The following SCAMP1 variants were observed in gnomAD, a reference collection of about 807,000 sequenced individuals.
The protein encoded by SCAMP1 is secretory carrier-associated membrane protein 1.
In SCAMP1, 15 loss-of-function variants were observed where a neutral mutation model predicts 41.8. The observed-to-expected ratio is 0.36, with a 90% confidence interval of 0.24 to 0.55. The LOEUF is 0.55. Ranked by LOEUF, SCAMP1 falls within the 20% of genes least tolerant of loss-of-function variation. The pLI is 0.86. For synonymous variants in SCAMP1, 135 were observed against 136.8 expected, an observed-to-expected ratio of 0.99 and a Z score of 0.09; for missense variants, 341 against 412.6, an observed-to-expected ratio of 0.83 and a Z score of 1.50.
Position 78,459,356 on chromosome 5 carries a change from C to CA in SCAMP1, c.852dup (p.Val285SerfsTer11). ...CAGCAGTCATCTCACTAGTTATGTT[C>CA]AAAAAAGTAAGTGAAATTTTATGTC... On this transcript the variant is annotated frameshift_variant, in exon 8 of 9. Transcript: ENST00000621999. LOFTEE classifies it high-confidence loss of function. The CA allele has an allele frequency of 1.4e-6, 2 of 1,470,994 alleles. No homozygotes were observed. The highest frequency in any genetic ancestry group is 1.8e-5 in the Admixed American group (1 of 55,724). 91.1% of individuals were successfully genotyped at this position (1,470,994 alleles called of 1,614,324 possible).
At chr5:78,439,279 C>G (rs2112184022) in intron 6 of SCAMP1, among the ~76,000 whole-genome samples, 1 of 152,240 alleles carries the variant, frequency 6.6e-6, no homozygotes, top group Non-Finnish European at 1.5e-5. Context: ...GGTTATTTTG[C>G]CTGTTAATTG....
At chr5:78,392,129 C>G (rs1186775227) in intron 2 of SCAMP1, among the ~76,000 whole-genome samples, 1 of 152,078 alleles carries the variant, frequency 6.6e-6, no homozygotes, top group East Asian at 1.9e-4. Flanking sequence ...GTTTGCAAAA[C>G]TTTACTAGCA....
chr5:78,420,080 G>A (rs971416265), intron 5 of SCAMP1, among the ~76,000 whole-genome samples: 1 of 152,018 alleles, frequency 6.6e-6, no homozygotes, highest in Non-Finnish European at 1.5e-5. Context: ...TTTTGAGACA[G>A]AGTCTTGCTT....
At chr5:78,453,745 C>T (rs925338499) in intron 7 of SCAMP1, among the ~76,000 whole-genome samples, 3 of 152,096 alleles carry the variant, frequency 2.0e-5, no homozygotes, top group Non-Finnish European at 2.9e-5. Context: ...AGCTTTATGG[C>T]GATGGCATTG....
intron 6 of SCAMP1, among the ~76,000 whole-genome samples, chr5:78,427,867 TA>T (rs1406008508): frequency 6.6e-6 from 1 of 152,182 alleles, no homozygotes; most frequent in South Asian, 2.1e-4. Context: ...TTGTCTATTT[TA>T]AAAATTCTGT....
intron 8 of SCAMP1, among the ~76,000 whole-genome samples, chr5:78,470,363 T>C (rs1753857306): frequency 6.6e-6 from 1 of 152,298 alleles, no homozygotes; most frequent in Middle Eastern, 3.4e-3. Context: ...TCTGGCAGCC[T>C]CTAATTTGCT....
chr5:78,379,493 C>A (rs1212929916), intron 1 of SCAMP1, among the ~76,000 whole-genome samples: 2 of 152,086 alleles, frequency 1.3e-5, no homozygotes, highest in African/African-American at 4.8e-5. Context: ...TGCTTTAATG[C>A]TTTGTCATCT....
intron 3 of SCAMP1, 140 bp downstream of exon 3, chr5:78,415,758 C>T (rs1299444913): frequency 1.6e-6 from 1 of 614,022 alleles, no homozygotes; most frequent in Non-Finnish European, 2.9e-6. Context: ...GATTTGCTGT[C>T]TTGTCACCCT....
At chr5:78,416,768 AAGG>A (rs1398827468) in intron 4 of SCAMP1, 119 bp downstream of exon 4, 4 of 684,628 alleles carry the variant, frequency 5.8e-6, no homozygotes, top group African/African-American at 1.8e-5. Flanking sequence ...CTGTTCTAAC[AAGG>A]AGATCAGACA....
At chr5:78,452,296 C>T (rs1753256731) in intron 7 of SCAMP1, among the ~76,000 whole-genome samples, 1 of 146,642 alleles carries the variant, frequency 6.8e-6, no homozygotes, top group African/African-American at 2.5e-5. Context: ...AACTCGTCAT[C>T]TAGCATTAGG....
At chr5:78,403,585 A>T (rs1751851291) in intron 2 of SCAMP1, among the ~76,000 whole-genome samples, 2 of 152,082 alleles carry the variant, frequency 1.3e-5, no homozygotes, top group South Asian at 4.1e-4. Flanking sequence ...GAGGCCAGGG[A>T]TTCAAAACCA....
intron 8 of SCAMP1, among the ~76,000 whole-genome samples, chr5:78,460,727 C>A (rs1753564689): frequency 6.6e-6 from 1 of 150,548 alleles, no homozygotes; most frequent in Admixed American, 6.6e-5. Flanking sequence ...CTCTTTCTTT[C>A]TTTTGGTTTC....
chr5:78,418,300 G>C (rs1580679142), intron 4 of SCAMP1, among the ~76,000 whole-genome samples: 2 of 152,028 alleles, frequency 1.3e-5, no homozygotes, highest in South Asian at 4.1e-4. Flanking sequence ...CAGAAAACTT[G>C]AAAAAATTAG....
intron 2 of SCAMP1, among the ~76,000 whole-genome samples, chr5:78,403,837 C>T (rs1479055958): frequency 6.6e-6 from 1 of 150,600 alleles, no homozygotes; most frequent in Non-Finnish European, 1.5e-5. Flanking sequence ...TGGTGGCATG[C>T]GCCTGTAGTC....
chr5:78,375,266 G>A (rs1751038485), intron 1 of SCAMP1, among the ~76,000 whole-genome samples: 2 of 152,138 alleles, frequency 1.3e-5, no homozygotes, highest in Non-Finnish European at 2.9e-5. Flanking sequence ...AGGAAATATA[G>A]TTTTGAACAT....
At chr5:78,452,984 T>G (rs1047272063) in intron 7 of SCAMP1, among the ~76,000 whole-genome samples, 3 of 148,622 alleles carry the variant, frequency 2.0e-5, no homozygotes, top group Non-Finnish European at 1.5e-5. Context: ...AAATGTCTTC[T>G]TTTGAGAAGT....
In SCAMP1 at chr5:78,367,699, T is replaced by TA. The variant is rs532407755; in HGVS notation, c.57+6972dup. On this transcript the variant is annotated intron_variant, in intron 1 of 8. Coordinates refer to ENST00000621999, the MANE Select transcript of SCAMP1 (RefSeq NM_004866.6). ...TGGAGACAGACCTATGATCTGAAGA[T>TA]ACACCTAGTATAAAATGGCGAGGTA... Among the ~76,000 whole-genome samples the TA allele has an allele frequency of 2.4e-3, 367 of 152,318 alleles. 1 individual carries two copies. The highest frequency in any genetic ancestry group is 8.4e-3 in the Admixed American group (128 of 15,308).
intron 1 of SCAMP1, chr5:78,361,023 T>G: frequency 2.8e-6 from 1 of 362,144 alleles, no homozygotes; most frequent in Non-Finnish European, 5.1e-6. Context: ...GGAGGGGTCC[T>G]GGCCCGCCTC....
intron 6 of SCAMP1, 28 bp from the exon 7 acceptor site, chr5:78,449,878 CTTCTTTCTCTCCCCCTAACCCCCTTTT>C: frequency 1.1e-6 from 1 of 889,706 alleles, no homozygotes; most frequent in Non-Finnish European, 1.7e-6. Context: ...CGTTTTTCCC[CTTCTTTCTCTCCCCCTAACCCCCTTTT>C]TTCTTTCTTT....
Sources: allele counts gnomAD v4.1 joint callset (sites outside exome capture counted in the v4.1 genomes callset), GRCh38; gene constraint gnomAD v4.1.1; transcripts MANE v1.5; gene names NCBI Gene and HGNC (gene_info 2026-07-23, HGNC 2026-07-21).